The following POLA1 variants were observed in gnomAD, a reference collection of about 807,000 sequenced individuals.
POLA1 encodes DNA polymerase alpha catalytic subunit.
In POLA1, 15 loss-of-function variants were observed where a neutral mutation model predicts 124.0. The observed-to-expected ratio is 0.12, with a 90% CI of 0.08 to 0.19. The LOEUF is 0.19. POLA1 is among the 10% of genes least tolerant of loss of function. The pLI is 1.00. For synonymous variants in POLA1, 408 were observed against 389.4 expected (o/e 1.05, Z -0.56); for missense variants, 886 against 1,103.4 (o/e 0.80, Z 2.79).
At chrX:24,921,622 T>TCATGC (rs1410906716) in intron 35 of POLA1, among the ~76,000 whole-genome samples, 1 of 112,072 alleles carries the variant, frequency 8.9e-6, no homozygotes, top group East Asian at 2.8e-4. Flanking sequence ...TACAGGTGGC[T>TCATGC]CATGCTATGA....
chrX:24,962,176 T>C (rs1020719311), intron 36 of POLA1, among the ~76,000 whole-genome samples: 4 of 111,643 alleles, frequency 3.6e-5, no homozygotes, highest in African/African-American at 6.5e-5. Flanking sequence ...AGAGGATAGG[T>C]GATGTGATCA....
chrX:24,836,414 T>A (rs2046341947), intron 32 of POLA1, among the ~76,000 whole-genome samples: 1 of 111,979 alleles, frequency 8.9e-6, no homozygotes, highest in African/African-American at 3.2e-5. Flanking sequence ...GGGACATGTA[T>A]GTTTACTTTT....
chrX:24,900,339 A>C (rs756606878), intron 35 of POLA1, among the ~76,000 whole-genome samples: 1 of 111,975 alleles, frequency 8.9e-6, no homozygotes, highest in Admixed American at 9.5e-5. Context: ...GCAGAATTTT[A>C]TTTTTAAGGC....
At chrX:24,835,718 T>A (rs762457499) in intron 32 of POLA1, among the ~76,000 whole-genome samples, 1 of 111,232 alleles carries the variant, frequency 9.0e-6, no homozygotes, top group South Asian at 3.8e-4. Flanking sequence ...AATAGTTAGA[T>A]CTAAAGATGT....
intron 36 of POLA1, among the ~76,000 whole-genome samples, chrX:24,937,881 TG>T (rs905763342): frequency 8.9e-6 from 1 of 112,273 alleles, no homozygotes; most frequent in African/African-American, 3.2e-5. Flanking sequence ...ACAACAACTA[TG>T]CAGGCTACAG....
chrX:24,715,451 C>G (rs6526402), intron 6 of POLA1, among the ~76,000 whole-genome samples: 3 of 110,710 alleles, frequency 2.7e-5, no homozygotes, highest in Admixed American at 9.6e-5. Context: ...CCTGCCACCA[C>G]GCCCGGCTAA....
chrX:24,764,780 T>A (rs773784385), intron 26 of POLA1, among the ~76,000 whole-genome samples: 1 of 111,521 alleles, frequency 9.0e-6, no homozygotes, highest in African/African-American at 3.3e-5. Flanking sequence ...CCAGTGTTAC[T>A]TCCAAAATAT....
chrX:24,920,340 C>T (rs2047598963), intron 35 of POLA1, among the ~76,000 whole-genome samples: 1 of 111,530 alleles, frequency 9.0e-6, no homozygotes, highest in African/African-American at 3.3e-5. Flanking sequence ...GCCTTTGCCT[C>T]TAGCCCGCAG....
chrX:24,952,146 G>A (rs761463011), intron 36 of POLA1, among the ~76,000 whole-genome samples: 1 of 112,038 alleles, frequency 8.9e-6, no homozygotes, highest in African/African-American at 3.2e-5. Flanking sequence ...TTCACATGGG[G>A]TCCACCCTGA....
chrX:24,696,984 A>G (rs1928053201), intron 1 of POLA1, among the ~76,000 whole-genome samples: 1 of 111,149 alleles, frequency 9.0e-6, no homozygotes, highest in African/African-American at 3.3e-5. Flanking sequence ...CTAGGCCTGT[A>G]TTGGAAACCT....
At chrX:24,789,312 C>T (rs2045446557) in intron 26 of POLA1, among the ~76,000 whole-genome samples, 1 of 111,530 alleles carries the variant, frequency 9.0e-6, no homozygotes, top group Non-Finnish European at 1.9e-5. Context: ...TCTGTAAATT[C>T]GGAGGATACA....
chrX:24,710,092 C>T (rs1193467348), intron 4 of POLA1, among the ~76,000 whole-genome samples: 7 of 97,496 alleles, frequency 7.2e-5, no homozygotes, highest in African/African-American at 2.2e-4. Context: ...CCAGCCGCTG[C>T]CTCCCGGGCG....
chrX:24,985,754 A>T (rs1005942524), intron 36 of POLA1, among the ~76,000 whole-genome samples: 5 of 112,134 alleles, frequency 4.5e-5, no homozygotes, highest in African/African-American at 1.6e-4. Flanking sequence ...TGGTGCAGAT[A>T]TTTCAAAATC....
chrX:24,976,288 C>T (rs2048363346), intron 36 of POLA1, among the ~76,000 whole-genome samples: 3 of 111,850 alleles, frequency 2.7e-5, no homozygotes, highest in African/African-American at 9.8e-5. Context: ...AAGCTCAAAT[C>T]GGAGTGTTTG....
intron 10 of POLA1, 65 bp from the exon 11 acceptor site, chrX:24,723,090 A>G (rs1602281477): frequency 1.3e-6 from 1 of 769,217 alleles, no homozygotes; most frequent in East Asian, 3.1e-5. Context: ...GAGCCTCTAT[A>G]TTGTTCCTTT....
At chrX:24,984,721 G>A (rs1459259298) in intron 36 of POLA1, among the ~76,000 whole-genome samples, 1 of 100,960 alleles carries the variant, frequency 9.9e-6, no homozygotes, top group Non-Finnish European at 2.0e-5. Context: ...GTGCAGTGGC[G>A]CGATCTCGGC....
At chrX:24,922,832 T>C (rs2047636640) in intron 35 of POLA1, among the ~76,000 whole-genome samples, 1 of 112,107 alleles carries the variant, frequency 8.9e-6, no homozygotes, top group South Asian at 3.8e-4. Flanking sequence ...TTCTAGACCA[T>C]CTTAAAGTTC....
intron 34 of POLA1, among the ~76,000 whole-genome samples, chrX:24,862,022 CAAAAT>C (rs980342367): frequency 9.0e-6 from 1 of 111,375 alleles, no homozygotes; most frequent in Non-Finnish European, 1.9e-5. Flanking sequence ...AGTAGACAAT[CAAAAT>C]AAGCAGTTTG....
intron 1 of POLA1, among the ~76,000 whole-genome samples, chrX:24,696,096 C>G (rs1157642049): frequency 3.5e-5 from 4 of 112,706 alleles, no homozygotes; most frequent in Admixed American, 9.4e-5. Context: ...TTGCTAAGTG[C>G]AAAGTAAGAT....
Sources: allele counts gnomAD v4.1 joint callset (sites outside exome capture counted in the v4.1 genomes callset), GRCh38; gene constraint gnomAD v4.1.1; transcripts MANE v1.5; gene names NCBI Gene and HGNC (gene_info 2026-07-23, HGNC 2026-07-21).